BLNK: variants seen among roughly 807,000 people sequenced by gnomAD.
BLNK encodes B-cell linker protein.
In BLNK, 29 loss-of-function variants were observed where a neutral mutation model predicts 73.5. That is an observed-to-expected ratio of 0.39 (90% confidence interval 0.29 to 0.54). The LOEUF (loss-of-function observed/expected upper bound fraction) is 0.54, where lower values mean the gene tolerates loss of function less well. BLNK is among the 20% of genes least tolerant of loss of function. The probability of loss-of-function intolerance (pLI) is 0.61; values close to 1 mark genes in which losing one functional copy is unlikely to be tolerated. For missense variants in BLNK, 460 were observed against 562.8 expected, an observed-to-expected ratio of 0.82 and a Z score of 1.85; for synonymous variants, 176 against 200.8, an observed-to-expected ratio of 0.88 and a Z score of 1.04.
At position 96,201,054 on chromosome 10, in the gene BLNK, A is replaced by G. The variant is rs782051821; in HGVS notation, c.939T>C (p.Phe313=). Reference sequence around the variant, plus strand: ...CCACAGTTGGGTTTCCCCCTTCTGTAAATCCTGAAAGGGATCAGAAAAGTC... The same window carrying G: ...CCACAGTTGGGTTTCCCCCTTCTGTGAATCCTGAAAGGGATCAGAAAAGTC... ...IHQKPIPLPR[F]TEGGNPTVDG... is the part of the protein sequence containing the mutation. Residue 313 remains phenylalanine (F), a synonymous_variant, in exon 14 of 17, where the codon TTT becomes TTC. Coordinates refer to ENST00000224337, the MANE Select transcript of BLNK (RefSeq NM_013314.4). 15 of 1,613,670 alleles carry G rather than the reference A, an allele frequency of 9.3e-6. 1 individual carries two copies. The highest frequency in any genetic ancestry group is 3.3e-4 in the Middle Eastern group (2 of 6,084).
chr10:96,269,863 G>C (rs1236535344), intron 1 of BLNK, among the ~76,000 whole-genome samples: 7 of 152,060 alleles, frequency 4.6e-5, no homozygotes, highest in African/African-American at 1.7e-4. Context: ...GTTAAGCTTT[G>C]AGTGACAGCC....
chr10:96,266,755 A>G (rs1293967756), intron 1 of BLNK, among the ~76,000 whole-genome samples: 1 of 152,202 alleles, frequency 6.6e-6, no homozygotes, highest in Admixed American at 6.5e-5. Flanking sequence ...AGCTCCCCTG[A>G]AGTTTGCCAC....
At chr10:96,232,262 T>C (rs1892190) in intron 3 of BLNK, among the ~76,000 whole-genome samples, 109,223 of 151,374 alleles carry the variant, frequency 0.72, 41,610 homozygotes, top group Non-Finnish European at 0.84. Flanking sequence ...TTCCTAAATT[T>C]CCCAGAACCT....
chr10:96,205,093 C>CT (rs1322383063), intron 11 of BLNK: 1 of 166,030 alleles, frequency 6.0e-6, no homozygotes, highest in African/African-American at 2.4e-5. Flanking sequence ...TAAATGATCT[C>CT]TTTTTGCAAA....
chr10:96,191,699 T>C lies in BLNK; in HGVS notation c.*274A>G, dbSNP rs1554893475. 2 of 314,794 alleles carry C rather than the reference T, an allele frequency of 6.4e-6. No homozygotes were observed. The highest frequency in any genetic ancestry group is 1.2e-5 in the Non-Finnish European group (2 of 168,114). 19.5% of individuals were successfully genotyped at this position (314,794 alleles called of 1,614,324 possible). ...CTTATTTTGATAATATACTTTACAC[T>C]TATTTTTAAAAATAAAAATATTTAT... On this transcript the variant is annotated 3_prime_UTR_variant, in exon 17 of 17. Transcript: ENST00000224337.
At chr10:96,266,413 C>T (rs879949473) in intron 1 of BLNK, among the ~76,000 whole-genome samples, 1 of 152,236 alleles carries the variant, frequency 6.6e-6, no homozygotes, top group African/African-American at 2.4e-5. Flanking sequence ...AGAGGTTCCT[C>T]GGACATGTGG....
At chr10:96,257,008 C>G (rs1390025095) in intron 1 of BLNK, among the ~76,000 whole-genome samples, 11 of 151,868 alleles carry the variant, frequency 7.2e-5, no homozygotes, top group Non-Finnish European at 1.6e-4. Context: ...GACTCTTCAT[C>G]TCACATCTCT....
intron 13 of BLNK, among the ~76,000 whole-genome samples, chr10:96,202,499 G>C (rs1564815569): frequency 6.6e-6 from 1 of 152,226 alleles, no homozygotes; most frequent in Non-Finnish European, 1.5e-5. Flanking sequence ...ACAGCAACCA[G>C]AGTTGTCCTT....
intron 1 of BLNK, among the ~76,000 whole-genome samples, chr10:96,251,509 C>G (rs1843284824): frequency 6.6e-6 from 1 of 152,184 alleles, no homozygotes; most frequent in Admixed American, 6.5e-5. Context: ...TTATCTCATT[C>G]AGAGATATCC....
intron 1 of BLNK, among the ~76,000 whole-genome samples, chr10:96,248,587 G>C (rs560488730): frequency 7.0e-6 from 1 of 142,570 alleles, no homozygotes; most frequent in African/African-American, 3.1e-5. Context: ...CTAAGAATTT[G>C]TCTTATGAAA....
intron 3 of BLNK, among the ~76,000 whole-genome samples, chr10:96,233,044 G>A (rs10786272): frequency 0.72 from 109,647 of 151,996 alleles, 41,789 homozygotes; most frequent in Non-Finnish European, 0.84. Flanking sequence ...GGGTTCAAAT[G>A]ACTCACCTGC....
intron 1 of BLNK, among the ~76,000 whole-genome samples, chr10:96,265,117 G>GATTTATTT: frequency 1.1e-5 from 1 of 91,130 alleles, no homozygotes; most frequent in East Asian, 4.1e-4. Flanking sequence ...CACCACACCA[G>GATTTATTT]ACTTATTTAT....
chr10:96,232,320 C>A (rs1842530327), intron 3 of BLNK, among the ~76,000 whole-genome samples: 1 of 146,172 alleles, frequency 6.8e-6, no homozygotes, highest in Non-Finnish European at 1.5e-5. Context: ...CTATTCCCCG[C>A]TGAGTAGCCA....
chr10:96,200,267 T>C lies in BLNK; in HGVS notation c.1012-109A>G. On this transcript the variant is annotated intron_variant, in intron 14 of 16. Transcript: ENST00000224337. This position sits in a 1 kb window ranked among gnomAD's most constrained non-coding sequence, Gnocchi z 4.3. ...CATTATCAAGACAGGCCTCTACATT[T>C]ACACCAATAATTTTAAGATGAGTTT... The C allele has an allele frequency of 1.4e-6, 1 of 725,360 alleles. No individual in the cohort carries two copies. Among genetic ancestry groups the C allele is most frequent in the Non-Finnish European group, 2.4e-6 (1 of 420,436 alleles). 44.9% of individuals were successfully genotyped at this position (725,360 alleles called of 1,614,324 possible).
At chr10:96,258,110 T>G (rs782439700) in intron 1 of BLNK, among the ~76,000 whole-genome samples, 2 of 152,214 alleles carry the variant, frequency 1.3e-5, no homozygotes, top group African/African-American at 2.4e-5. Flanking sequence ...GGCTTCCTAA[T>G]GCTCACTTCC....
intron 16 of BLNK, among the ~76,000 whole-genome samples, chr10:96,195,285 T>C (rs2083437548): frequency 6.6e-6 from 1 of 152,190 alleles, no homozygotes; most frequent in Non-Finnish European, 1.5e-5. Flanking sequence ...AGAATACCCA[T>C]ATCATCCAGC....
At chr10:96,203,098 A>G (rs2083691028) in intron 13 of BLNK, among the ~76,000 whole-genome samples, 1 of 152,196 alleles carries the variant, frequency 6.6e-6, no homozygotes, top group South Asian at 2.1e-4. Flanking sequence ...TTTCATGAGG[A>G]CAGGGTCTTT....
intron 16 of BLNK, among the ~76,000 whole-genome samples, chr10:96,195,449 A>G (rs187606713): frequency 6.6e-6 from 1 of 152,364 alleles, no homozygotes; most frequent in African/African-American, 2.4e-5. Flanking sequence ...AAAATGTGGT[A>G]TATAGATACA....
intron 3 of BLNK, among the ~76,000 whole-genome samples, chr10:96,234,754 T>G (rs7920044): frequency 0.71 from 107,751 of 152,120 alleles, 40,911 homozygotes; most frequent in Non-Finnish European, 0.84. Context: ...TGATTCTAAT[T>G]TACTCCCACG....
Sources: gnomAD v4.1 joint callset for allele counts (sites outside exome capture counted in the v4.1 genomes callset) on GRCh38, gnomAD v4.1.1 for gene constraint, Gnocchi (gnomAD v3.1) non-coding constraint, MANE v1.5 for transcripts, NCBI Gene and HGNC (gene_info 2026-07-23, HGNC 2026-07-21) for gene names.